DSCAM: variants seen among roughly 807,000 people sequenced by gnomAD.
DSCAM encodes DS cell adhesion molecule, also known as cell adhesion molecule DSCAM.
In DSCAM, 47 loss-of-function variants were observed where a neutral mutation model predicts 217.7. The observed-to-expected ratio is 0.22, with a 90% CI of 0.17 to 0.28. DSCAM has a LOEUF of 0.28. Ranked by LOEUF, DSCAM falls within the 10% of genes least tolerant of loss-of-function variation. The pLI is 1.00. For missense variants in DSCAM, 2,080 were observed against 2,618.3 expected, an observed-to-expected ratio of 0.79 and a Z score of 4.49; for synonymous variants, 1,056 against 1,015.3, an observed-to-expected ratio of 1.04 and a Z score of -0.76.
chr21:40,273,711 C>T (rs1003503983), intron 11 of DSCAM, among the ~76,000 whole-genome samples: 1 of 152,190 alleles, frequency 6.6e-6, no homozygotes, highest in African/African-American at 2.4e-5. Flanking sequence ...AAATGTATTC[C>T]TCACAGTTCT....
chr21:40,457,437 G>A (rs918809877), intron 3 of DSCAM, among the ~76,000 whole-genome samples: 16 of 151,978 alleles, frequency 1.1e-4, no homozygotes, highest in Non-Finnish European at 2.2e-4. Context: ...GCTTGAGCCC[G>A]GGAGTTTGAG....
At chr21:40,187,813 C>T in intron 13 of DSCAM, 78 bp downstream of exon 13, 1 of 1,267,954 alleles carries the variant, frequency 7.9e-7, no homozygotes, top group Non-Finnish European at 1.2e-6. Flanking sequence ...GTTGAGGACA[C>T]AGAGATGCCT....
At chr21:40,342,626 G>GTGTGTATATATATATATATATATATA (rs1491362590) in intron 6 of DSCAM, among the ~76,000 whole-genome samples, 14 of 94,690 alleles carry the variant, frequency 1.5e-4, no homozygotes, top group East Asian at 5.8e-4. Context: ...GTGTGTGTGT[G>GTGTGTATATATATATATATATATATA]TATATATATA....
chr21:40,353,764 C>G, intron 4 of DSCAM, 21 bp from the exon 5 acceptor site: 1 of 1,508,516 alleles, frequency 6.6e-7, no homozygotes, highest in Middle Eastern at 1.8e-4. Flanking sequence ...AATAAAAACT[C>G]TTAGAGGCAG....
chr21:40,109,168 A>G (rs774293451), intron 20 of DSCAM, among the ~76,000 whole-genome samples: 11 of 152,266 alleles, frequency 7.2e-5, no homozygotes, highest in Non-Finnish European at 1.5e-4. Flanking sequence ...AAGTAAATGA[A>G]AGAGCTTCTG....
chr21:40,651,308 C>T (rs932245), intron 3 of DSCAM, among the ~76,000 whole-genome samples: 72,819 of 151,964 alleles, frequency 0.48, 18,001 homozygotes, highest in African/African-American at 0.6. Context: ...CTGAGCACAA[C>T]TATGAAGGCA....
chr21:40,172,787 A>C (rs1013495612), intron 15 of DSCAM, among the ~76,000 whole-genome samples: 1 of 152,210 alleles, frequency 6.6e-6, no homozygotes, highest in Non-Finnish European at 1.5e-5. Context: ...AAAGACTGGG[A>C]TACAAAAGCA....
At chr21:40,438,423 G>GT (rs1188451779) in intron 3 of DSCAM, among the ~76,000 whole-genome samples, 1 of 152,092 alleles carries the variant, frequency 6.6e-6, no homozygotes, top group Non-Finnish European at 1.5e-5. Flanking sequence ...TGAATGAGTG[G>GT]TAAGTGAAGG....
intron 1 of DSCAM, among the ~76,000 whole-genome samples, chr21:40,735,305 C>A (rs549419558): frequency 6.6e-6 from 1 of 152,260 alleles, no homozygotes; most frequent in East Asian, 1.9e-4. Flanking sequence ...CATGAGCAGG[C>A]AAGTAGCAAG....
chr21:40,361,619 A>AAAACAAAC (rs376186649), intron 4 of DSCAM, among the ~76,000 whole-genome samples: 140 of 152,124 alleles, frequency 9.2e-4, no homozygotes, highest in African/African-American at 3.4e-3. Context: ...CTCCATCTCA[A>AAAACAAAC]AAACAAACAA....
At chr21:40,733,642 C>A (rs1475729684) in intron 1 of DSCAM, among the ~76,000 whole-genome samples, 2 of 152,144 alleles carry the variant, frequency 1.3e-5, no homozygotes, top group African/African-American at 4.8e-5. Context: ...CCCTCTGGCC[C>A]ATGAGTGACT....
intron 3 of DSCAM, among the ~76,000 whole-genome samples, chr21:40,494,475 C>G (rs2076101399): frequency 6.6e-6 from 1 of 152,068 alleles, no homozygotes; most frequent in Admixed American, 6.6e-5. Context: ...GGAAATTAAA[C>G]ATGTTCCTGA....
chr21:40,799,325 G>C (rs998120), intron 1 of DSCAM, among the ~76,000 whole-genome samples: 72,663 of 151,444 alleles, frequency 0.48, 19,265 homozygotes, highest in South Asian at 0.67. Flanking sequence ...ATTTATTGCT[G>C]ACATTACCTT....
At chr21:40,458,539 C>T (rs1194924463) in intron 3 of DSCAM, among the ~76,000 whole-genome samples, 1 of 151,878 alleles carries the variant, frequency 6.6e-6, no homozygotes, top group Non-Finnish European at 1.5e-5. Context: ...ATAAAATATG[C>T]ATGAGGAAAG....
At chr21:40,201,613 G>C (rs562590527) in intron 11 of DSCAM, among the ~76,000 whole-genome samples, 2 of 152,148 alleles carry the variant, frequency 1.3e-5, no homozygotes, top group South Asian at 4.2e-4. Flanking sequence ...GGCTGATTTT[G>C]TATTTTTAGT....
intron 18 of DSCAM, among the ~76,000 whole-genome samples, chr21:40,136,710 C>T (rs2090212848): frequency 6.6e-6 from 1 of 152,092 alleles, no homozygotes. Context: ...CCCAAGAGTG[C>T]AGGGTGTCCA....
At chr21:40,406,129 T>G (rs1038312206) in intron 3 of DSCAM, among the ~76,000 whole-genome samples, 2 of 152,188 alleles carry the variant, frequency 1.3e-5, no homozygotes, top group Admixed American at 1.3e-4. Context: ...TAATGACTAT[T>G]TTCAATAAGA....
At position 40,013,018 on chromosome 21, in the gene DSCAM, C is replaced by G. The variant is rs753497570; in HGVS notation, c.*16G>C. 2.4e-5 allele frequency: 34 copies of G among 1,407,878 alleles called. No homozygotes were observed. Among genetic ancestry groups the G allele is most frequent in the Non-Finnish European group, 3.2e-5 (34 of 1,072,974 alleles). 87.2% of individuals were successfully genotyped at this position (1,407,878 alleles called of 1,614,324 possible). ...TTTGAATTGTATTTACAACCGCTGT[C>G]CAGTCATGCTGTCTGTTATACCAGG... On this transcript the variant is annotated 3_prime_UTR_variant, in exon 33 of 33. Coordinates refer to ENST00000400454, the MANE Select transcript of DSCAM (RefSeq NM_001389.5).
At chr21:40,197,451 T>A (rs1033727915) in intron 11 of DSCAM, among the ~76,000 whole-genome samples, 9 of 152,186 alleles carry the variant, frequency 5.9e-5, no homozygotes, top group African/African-American at 2.2e-4. Context: ...AACAGAGAAC[T>A]AGGGGGTTTA....
Sources: allele counts gnomAD v4.1 joint callset (sites outside exome capture counted in the v4.1 genomes callset), GRCh38; gene constraint gnomAD v4.1.1; transcripts MANE v1.5; gene names NCBI Gene and HGNC (gene_info 2026-07-23, HGNC 2026-07-21).